The following CSNK2A2IP variants were observed in gnomAD, a reference collection of about 807,000 sequenced individuals.
CSNK2A2IP encodes casein kinase 2 subunit alpha' interacting protein.
At chr3:88,465,465 T>A in the CSNK2A2IP span, 1 of 1,231,644 alleles carries the variant, frequency 8.1e-7, no homozygotes, top group Non-Finnish European at 1.0e-6. Context: ...AAAAACTAAA[T>A]CAATTCAATA....
At chr3:88,441,565 A>G in the CSNK2A2IP span, among the ~76,000 whole-genome samples, 1 of 152,170 alleles carries the variant, frequency 6.6e-6, no homozygotes, top group African/African-American at 2.4e-5. Flanking sequence ...CTTCAGTTAC[A>G]ATAGCTTGGT....
chr3:88,384,323 C>T, the CSNK2A2IP span, among the ~76,000 whole-genome samples: 1 of 151,574 alleles, frequency 6.6e-6, no homozygotes, highest in Non-Finnish European at 1.5e-5. Context: ...GACTGACTTT[C>T]TTTCTCCCTC....
chr3:88,439,414 G>A, the CSNK2A2IP span, among the ~76,000 whole-genome samples: 1 of 151,866 alleles, frequency 6.6e-6, no homozygotes, highest in Admixed American at 6.6e-5. Flanking sequence ...TTTTTTTATG[G>A]ATTGGTTTGG....
the CSNK2A2IP span, among the ~76,000 whole-genome samples, chr3:88,409,973 T>A: frequency 6.6e-6 from 1 of 152,216 alleles, no homozygotes; most frequent in South Asian, 2.1e-4. Context: ...GGCCATTGTC[T>A]GTGCCTGAAT....
chr3:88,407,292 C>CAAAAAAA, the CSNK2A2IP span, among the ~76,000 whole-genome samples: 1 of 102,984 alleles, frequency 9.7e-6, no homozygotes, highest in Non-Finnish European at 1.9e-5. Context: ...CAGAAAAGTC[C>CAAAAAAA]AAAAAAAAAA....
the CSNK2A2IP span, among the ~76,000 whole-genome samples, chr3:88,462,795 G>GT: frequency 1.5e-4 from 23 of 152,094 alleles, no homozygotes; most frequent in African/African-American, 5.6e-4. Context: ...TTATTGTTTT[G>GT]TGTTTGAATT....
At chr3:88,379,326 AC>A in the CSNK2A2IP span, among the ~76,000 whole-genome samples, 2 of 152,092 alleles carry the variant, frequency 1.3e-5, no homozygotes, top group Non-Finnish European at 2.9e-5. Context: ...TTAGATTGTG[AC>A]AGCTTATTTC....
chr3:88,408,161 GAAGT>G, the CSNK2A2IP span, among the ~76,000 whole-genome samples: 1 of 152,182 alleles, frequency 6.6e-6, no homozygotes, highest in South Asian at 2.1e-4. Flanking sequence ...AAAAGAAATA[GAAGT>G]AAGACAGGAA....
the CSNK2A2IP span, among the ~76,000 whole-genome samples, chr3:88,375,163 T>C: frequency 6.6e-6 from 1 of 151,798 alleles, no homozygotes; most frequent in Non-Finnish European, 1.5e-5. Context: ...TATTGCTCTA[T>C]TCTGAATGAC....
the CSNK2A2IP span, among the ~76,000 whole-genome samples, chr3:88,430,597 C>T: frequency 2.0e-5 from 3 of 151,780 alleles, no homozygotes; most frequent in South Asian, 2.1e-4. Flanking sequence ...AAAATGTAAG[C>T]GACCTGGAGA....
At chr3:88,467,150 A>G in the CSNK2A2IP span, 1 of 407,130 alleles carries the variant, frequency 2.5e-6, no homozygotes, top group Non-Finnish European at 4.3e-6. Context: ...TGGCTGTTTT[A>G]TGTTAAAAAA....
the CSNK2A2IP span, among the ~76,000 whole-genome samples, chr3:88,388,221 C>T: frequency 1.3e-5 from 2 of 152,102 alleles, no homozygotes; most frequent in African/African-American, 2.4e-5. Flanking sequence ...TTAAATCATA[C>T]ACACAAAAAC....
the CSNK2A2IP span, among the ~76,000 whole-genome samples, chr3:88,349,231 C>T: frequency 6.6e-6 from 1 of 151,958 alleles, no homozygotes; most frequent in Non-Finnish European, 1.5e-5. Flanking sequence ...GTGCACCCCT[C>T]ACCCAAGAAG....
At chr3:88,398,393 A>C in the CSNK2A2IP span, among the ~76,000 whole-genome samples, 6 of 152,140 alleles carry the variant, frequency 3.9e-5, no homozygotes, top group Non-Finnish European at 8.8e-5. Flanking sequence ...GAACTCTTAA[A>C]TTATAAAGAA....
At chr3:88,400,481 G>A in the CSNK2A2IP span, among the ~76,000 whole-genome samples, 1 of 152,112 alleles carries the variant, frequency 6.6e-6, no homozygotes, top group African/African-American at 2.4e-5. Flanking sequence ...AAGGAACTTT[G>A]CAGGTGTGAT....
chr3:88,350,394 C>A, the CSNK2A2IP span, among the ~76,000 whole-genome samples: 133 of 152,166 alleles, frequency 8.7e-4, no homozygotes, highest in Middle Eastern at 3.4e-3. Flanking sequence ...AGTGGCTCAA[C>A]TACAAGTATA....
chr3:88,353,970 T>A, the CSNK2A2IP span, among the ~76,000 whole-genome samples: 1 of 152,182 alleles, frequency 6.6e-6, no homozygotes, highest in Non-Finnish European at 1.5e-5. Flanking sequence ...CATCACAGGT[T>A]GTTGCAGTCC....
chr3:88,397,643 TA>T, the CSNK2A2IP span, among the ~76,000 whole-genome samples: 6 of 152,004 alleles, frequency 3.9e-5, no homozygotes, highest in Admixed American at 3.3e-4. Context: ...GAAAATGAAA[TA>T]GGGGTGATGT....
chr3:88,409,911 A>G, the CSNK2A2IP span, among the ~76,000 whole-genome samples: 14 of 152,066 alleles, frequency 9.2e-5, no homozygotes, highest in African/African-American at 3.1e-4. Flanking sequence ...CAATGATAGT[A>G]TTTAACTTCC....
Sources: gnomAD v4.1 joint callset for allele counts (sites outside exome capture counted in the v4.1 genomes callset) on GRCh38, gnomAD v4.1.1 for gene constraint, MANE v1.5 for transcripts, NCBI Gene and HGNC (gene_info 2026-07-23, HGNC 2026-07-21) for gene names.